The following UGT1A8 variants were observed in gnomAD, a reference collection of about 807,000 sequenced individuals.
UGT1A8 encodes the protein UDP glucuronosyltransferase family 1 member A8, also known as UDP-glucuronosyltransferase 1A8.
In UGT1A8, 39 loss-of-function variants were observed where a neutral mutation model predicts 45.3. The observed-to-expected ratio is 0.86, with a 90% CI of 0.67 to 1.12. UGT1A8 has a LOEUF of 1.12. Ranked by LOEUF, UGT1A8 falls within the 50% of genes most tolerant of loss-of-function variation. The pLI, the probability that UGT1A8 is intolerant of heterozygous loss-of-function variation, is 0.00. For synonymous variants in UGT1A8, 275 were observed against 249.2 expected (o/e 1.10, Z -0.97); for missense variants, 719 against 664.9 (o/e 1.08, Z -0.90).
rs963744603 is a variant in UGT1A8 at position 233,636,270 on chromosome 2, G to A, written c.855+17708G>A. Among the ~76,000 whole-genome samples the A allele has an allele frequency of 2.5e-4, 35 of 140,750 alleles. 1 individual carries two copies. In the South Asian group the frequency reaches 3.8e-3, roughly 15 times the overall value. The allele number at this position is 140,750 out of a possible 152,430, so 92.3% of individuals were successfully genotyped here. On this transcript the variant is annotated intron_variant, in intron 1 of 4. Coordinates refer to ENST00000373450, the MANE Select transcript of UGT1A8 (RefSeq NM_019076.5). The stretch of plus-strand genomic sequence containing the variant: ...TTCTGTTTCTAAACTCACTTGCAGC[G>A]TGCTCTCCCTCCAAGGCGAAGACCA...
chr2:233,689,959 C>A (rs2074968106), intron 1 of UGT1A8: 1 of 456,312 alleles, frequency 2.2e-6, no homozygotes, highest in Non-Finnish European at 4.4e-6. Context: ...TATTTCCATG[C>A]TTGGAGGAAC....
chr2:233,730,043 T>A (rs766678673), intron 1 of UGT1A8: 9 of 1,612,624 alleles, frequency 5.6e-6, no homozygotes, highest in South Asian at 2.2e-5. Context: ...AAACACTTTT[T>A]AAAAAAATGT....
chr2:233,697,864 A>G (rs2075414093), intron 1 of UGT1A8, among the ~76,000 whole-genome samples: 1 of 152,172 alleles, frequency 6.6e-6, no homozygotes, highest in Admixed American at 6.5e-5. Flanking sequence ...TTATGCATTT[A>G]TTTAATGATT....
chr2:233,751,386 C>G (rs1694713563), intron 1 of UGT1A8, among the ~76,000 whole-genome samples: 1 of 152,086 alleles, frequency 6.6e-6, no homozygotes, highest in African/African-American at 2.4e-5. Flanking sequence ...TGCCTTGTCT[C>G]AGATAAGACT....
At chr2:233,740,578 C>T (rs1384729734) in intron 1 of UGT1A8, 2 of 151,846 alleles carry the variant, frequency 1.3e-5, no homozygotes, top group South Asian at 4.1e-4. Flanking sequence ...TTTTTTGGGA[C>T]CCTAATGAAA....
In UGT1A8 at chr2:233,766,921, C is replaced by T. The variant is rs6708136; in HGVS notation, c.856-113C>T. 45,255 of 1,558,610 alleles carry T rather than the reference C, an allele frequency of 0.029. 712 individuals are homozygous for T. The highest frequency in any genetic ancestry group is 0.049 in the African/African-American group (3,601 of 72,856). Reference sequence around the variant, plus strand: ...ATAATTTTTTACTCTATCTCAAACACGCATGCCTTTAATCATAGTCTTAAG... The same window carrying T: ...ATAATTTTTTACTCTATCTCAAACATGCATGCCTTTAATCATAGTCTTAAG... On this transcript the variant is annotated intron_variant, in intron 1 of 4. Coordinates refer to ENST00000373450, the MANE Select transcript of UGT1A8 (RefSeq NM_019076.5).
intron 1 of UGT1A8, among the ~76,000 whole-genome samples, chr2:233,619,431 A>G (rs2072959687): frequency 6.6e-6 from 1 of 152,074 alleles, no homozygotes; most frequent in African/African-American, 2.4e-5. Flanking sequence ...ATATATTTCT[A>G]TATTCTTGCT....
chr2:233,621,450 A>G (rs957245794), intron 1 of UGT1A8, among the ~76,000 whole-genome samples: 3 of 152,174 alleles, frequency 2.0e-5, no homozygotes, highest in Non-Finnish European at 4.4e-5. Flanking sequence ...ACAGAGCAAG[A>G]AAAGATCTGT....
At chr2:233,664,980 A>G (rs926778372) in intron 1 of UGT1A8, among the ~76,000 whole-genome samples, 1 of 152,242 alleles carries the variant, frequency 6.6e-6, no homozygotes, top group Non-Finnish European at 1.5e-5. Flanking sequence ...GTGAGAAATG[A>G]AACTTCCCTT....
rs751184944 is a variant in UGT1A8 at position 233,672,266 on chromosome 2, G to A, written c.855+53704G>A. 4.3e-6 allele frequency: 7 copies of A among 1,613,926 alleles called. 1 individual carries two copies. Among genetic ancestry groups the A allele is most frequent in the South Asian group, 3.3e-5 (3 of 91,078 alleles). On this transcript the variant is annotated intron_variant, in intron 1 of 4. Transcript: ENST00000373450. ...CGAAGTATATATTCTCTATTAATGG[G>A]TTCATACAATGACATTTTTGACTTA... is the stretch of plus-strand genomic sequence containing the variant.
intron 1 of UGT1A8, chr2:233,753,510 T>G (rs1695226530): frequency 6.6e-6 from 1 of 152,246 alleles, no homozygotes; most frequent in Non-Finnish European, 1.5e-5. Context: ...GCCTGTCTAG[T>G]TGTTGCCCTT....
chr2:233,679,191 G>A lies in UGT1A8; in HGVS notation c.855+60629G>A, dbSNP rs549308572. The stretch of plus-strand genomic sequence containing the variant: ...CACGTAGACCATTTTGACACCTTCA[G>A]TGTTGAACTTGTGGGTTCTGGGTGG... On this transcript the variant is annotated intron_variant, in intron 1 of 4. Coordinates refer to ENST00000373450, the MANE Select transcript of UGT1A8 (RefSeq NM_019076.5). Among the ~76,000 whole-genome samples, 3 of 152,328 alleles carry A rather than the reference G, an allele frequency of 2.0e-5. No individual in the cohort carries two copies. In the South Asian group the frequency reaches 6.2e-4, roughly 32 times the overall value.
In UGT1A8 at chr2:233,772,242, G is replaced by A. The variant is rs762612938; in HGVS notation, c.1296-20G>A. ...ATACCACAGGTGTTCCAGGCATAAC[G>A]AAACTGTCTTTGTGTTTAGTTACAA... On this transcript the variant is annotated intron_variant, in intron 4 of 4. Transcript: ENST00000373450. 5.6e-6 allele frequency: 9 copies of A among 1,614,002 alleles called. No individual in the cohort carries two copies. Among genetic ancestry groups the A allele is most frequent in the East Asian group, 4.5e-5 (2 of 44,900 alleles).
At position 233,618,513 on chromosome 2, in the gene UGT1A8, T is replaced by A. The variant is rs2072944625; in HGVS notation, c.806T>A (p.Met269Lys). Residue 269 changes from methionine to lysine, a missense_variant, in exon 1 of 5, where the codon ATG becomes AAG. Coordinates refer to ENST00000373450, the MANE Select transcript of UGT1A8 (RefSeq NM_019076.5). Reference protein sequence around the residue: ...LDYPKPVMPNMIFIGGINCHQ... With the variant: ...LDYPKPVMPNKIFIGGINCHQ... Reference sequence around the variant, plus strand: ...TATCCCAAACCCGTGATGCCCAATATGATCTTCATTGGTGGTATCAACTGC... The same window carrying A: ...TATCCCAAACCCGTGATGCCCAATAAGATCTTCATTGGTGGTATCAACTGC... 1.2e-6 allele frequency: 2 copies of A among 1,613,972 alleles called. No homozygotes were observed.
At chr2:233,714,728 C>T (rs2076408539) in intron 1 of UGT1A8, among the ~76,000 whole-genome samples, 1 of 152,116 alleles carries the variant, frequency 6.6e-6, no homozygotes, top group African/African-American at 2.4e-5. Context: ...GTTGTTAAGT[C>T]TTCAAAATCT....
chr2:233,718,024 G>C (rs566004281), intron 1 of UGT1A8: 1 of 386,248 alleles, frequency 2.6e-6, no homozygotes, highest in East Asian at 7.2e-5. Flanking sequence ...CAGCTCCCCA[G>C]GTCCTTTGGT....
At chr2:233,724,529 G>A (rs1336753054) in intron 1 of UGT1A8, among the ~76,000 whole-genome samples, 2 of 116,416 alleles carry the variant, frequency 1.7e-5, no homozygotes, top group African/African-American at 3.6e-5. Context: ...ATGGGGTCTC[G>A]CCGGGCAGAG....
intron 1 of UGT1A8, chr2:233,755,091 T>A (rs747522597): frequency 1.5e-6 from 2 of 1,335,830 alleles, no homozygotes; most frequent in African/African-American, 3.0e-5. Context: ...ATCGCGTTTC[T>A]ACGCGTCCGA....
chr2:233,736,619 C>G (rs1245621807), intron 1 of UGT1A8, among the ~76,000 whole-genome samples: 1 of 152,186 alleles, frequency 6.6e-6, no homozygotes, highest in Non-Finnish European at 1.5e-5. Flanking sequence ...GAATTTTCAG[C>G]TTTTCTGCTC....
Sources: allele counts gnomAD v4.1 joint callset (sites outside exome capture counted in the v4.1 genomes callset), GRCh38; gene constraint gnomAD v4.1.1; transcripts MANE v1.5; gene names NCBI Gene and HGNC (gene_info 2026-07-23, HGNC 2026-07-21).